Variants in PCCA observed in about 807,000 individuals in gnomAD.
PCCA encodes propionyl-CoA carboxylase alpha chain, mitochondrial.
PCCA carries 74 observed loss-of-function variants against 101.3 expected under a neutral mutation model. The observed-to-expected ratio is 0.73, with a 90% CI of 0.61 to 0.89. The LOEUF (loss-of-function observed/expected upper bound fraction) is 0.89, where lower values mean the gene tolerates loss of function less well. Among genes scored for constraint, PCCA ranks in the 40% least tolerant of loss-of-function variants. The pLI is 0.00. For missense variants in PCCA, 891 were observed against 907.0 expected (o/e 0.98, Z 0.23); for synonymous variants, 294 against 313.6 (o/e 0.94, Z 0.66).
chr13:100,428,930 AG>A (rs2079354004), intron 20 of PCCA, among the ~76,000 whole-genome samples: 1 of 152,148 alleles, frequency 6.6e-6, no homozygotes, highest in Non-Finnish European at 1.5e-5. Flanking sequence ...AAGAGCTTTC[AG>A]TAAGGAAGTG....
Position 100,257,630 on chromosome 13 carries a change from G to A in PCCA, c.673G>A (p.Gly225Ser). Residue 225 changes from glycine (G) to serine (S), a missense_variant, in exon 9 of 24, where the codon GGT (glycine) becomes AGT (serine). Physicochemically the swap from Gly to Ser is moderately conservative, Grantham distance 56. Transcript: ENST00000376285. The stretch of plus-strand genomic sequence containing the variant: ...CATGATCAAGGCCTCAGCAGGTGGT[G>A]GTGGGAAAGGCATGCGCATTGCTTG... ...PVMIKASAGG[G>S]GKGMRIAWDD... The A allele has an allele frequency of 1.9e-6, 3 of 1,613,906 alleles. No individual in the cohort carries two copies. The highest frequency in any genetic ancestry group is 2.5e-6 in the Non-Finnish European group (3 of 1,179,894).
chr13:100,190,398 C>T lies in PCCA; in HGVS notation c.469-18934C>T, dbSNP rs141518891. Among the ~76,000 whole-genome samples the T allele has an allele frequency of 2.0e-3, 309 of 152,270 alleles. 2 individuals are homozygous for T. The highest frequency in any genetic ancestry group is 7.1e-3 in the African/African-American group (294 of 41,560). On this transcript the variant is annotated intron_variant, in intron 6 of 23. Coordinates refer to ENST00000376285, the MANE Select transcript of PCCA (RefSeq NM_000282.4). ...AAACTGAGCCTTTAAAACCAAAAAG[C>T]GTGGCTGGGCGTGGTGGCTCACGCA...
intron 12 of PCCA, among the ~76,000 whole-genome samples, chr13:100,297,932 A>G (rs1189263081): frequency 6.6e-6 from 1 of 151,394 alleles, no homozygotes; most frequent in African/African-American, 2.4e-5. Flanking sequence ...GGATTCAGGT[A>G]TTATAACTTG....
At chr13:100,363,405 G>A (rs1193280890) in intron 18 of PCCA, among the ~76,000 whole-genome samples, 1 of 151,842 alleles carries the variant, frequency 6.6e-6, no homozygotes, top group Non-Finnish European at 1.5e-5. Context: ...TGAGCCATGG[G>A]AGGGCTCCTT....
chr13:100,167,914 C>A (rs2055217729), intron 6 of PCCA, among the ~76,000 whole-genome samples: 1 of 152,080 alleles, frequency 6.6e-6, no homozygotes, highest in Non-Finnish European at 1.5e-5. Flanking sequence ...TTATAGGCGC[C>A]CACCACCACA....
At chr13:100,138,865 G>T (rs1275376325) in intron 4 of PCCA, among the ~76,000 whole-genome samples, 2 of 142,816 alleles carry the variant, frequency 1.4e-5, no homozygotes, top group African/African-American at 5.2e-5. Context: ...AACCAGGACA[G>T]TAGAGGTTGC....
intron 1 of PCCA, among the ~76,000 whole-genome samples, chr13:100,097,364 G>A (rs1339720979): frequency 2.6e-5 from 4 of 152,066 alleles, no homozygotes; most frequent in South Asian, 2.1e-4. Context: ...TAAAAACCAC[G>A]GAGTTGTATA....
intron 21 of PCCA, among the ~76,000 whole-genome samples, chr13:100,506,324 CA>C (rs1407686834): frequency 2.7e-5 from 4 of 150,516 alleles, no homozygotes; most frequent in African/African-American, 4.9e-5. Context: ...GATTCTTAGG[CA>C]ACCCCCCTAC....
intron 4 of PCCA, among the ~76,000 whole-genome samples, chr13:100,117,550 A>G (rs2048913214): frequency 6.6e-6 from 1 of 151,376 alleles, no homozygotes; most frequent in Non-Finnish European, 1.5e-5. Context: ...GCACGTTCTC[A>G]CTCATAGGTG....
intron 6 of PCCA, among the ~76,000 whole-genome samples, chr13:100,162,978 G>C (rs1029022982): frequency 2.6e-5 from 4 of 152,172 alleles, no homozygotes; most frequent in Admixed American, 1.3e-4. Flanking sequence ...AAATGTTTGA[G>C]AACGTTTCCT....
chr13:100,172,718 T>TGCTTAAATTTCATCAACTAAA, intron 6 of PCCA, among the ~76,000 whole-genome samples: 1 of 152,226 alleles, frequency 6.6e-6, no homozygotes, highest in South Asian at 2.1e-4. Flanking sequence ...TTTAACAAAT[T>TGCTTAAATTTCATCAACTAAA]AATAACTTTT....
In PCCA at chr13:100,494,778, C is replaced by T. The variant is rs9554692; in HGVS notation, c.1900-20649C>T. Among the ~76,000 whole-genome samples the T allele has an allele frequency of 4.4e-3, 667 of 152,272 alleles. 34 individuals are homozygous for T. In the East Asian group the frequency reaches 0.099, roughly 23 times the overall value. The stretch of plus-strand genomic sequence containing the variant: ...AAGACTCTGCCCGGCCCGCTGGCTT[C>T]CTAACAGTCCTGTGGCGGTCTGTTC... On this transcript the variant is annotated intron_variant, in intron 21 of 23. Transcript: ENST00000376285.
chr13:100,479,460 C>T (rs2083702230), intron 21 of PCCA: 1 of 152,170 alleles, frequency 6.6e-6, no homozygotes, highest in Non-Finnish European at 1.5e-5. Flanking sequence ...AGAAGTCCTA[C>T]CAATAACATA....
At chr13:100,179,255 C>T (rs7996215) in intron 6 of PCCA, among the ~76,000 whole-genome samples, 123,259 of 151,968 alleles carry the variant, frequency 0.81, 50,282 homozygotes, top group East Asian at 0.99. Flanking sequence ...TACATACTGA[C>T]GAATAATATT....
chr13:100,424,650 A>T (rs1409646631), intron 19 of PCCA, among the ~76,000 whole-genome samples: 1 of 152,188 alleles, frequency 6.6e-6, no homozygotes, highest in Non-Finnish European at 1.5e-5. Flanking sequence ...TGTTTTCAGC[A>T]ATCTTTGTCC....
rs837296 is a variant in PCCA, at chr13:100,510,472, G to A, written c.1900-4955G>A. Among the ~76,000 whole-genome samples the A allele has an allele frequency of 7.0e-3, 1,063 of 152,202 alleles. 10 individuals are homozygous for A. The highest frequency in any genetic ancestry group is 0.024 in the African/African-American group (1,013 of 41,522). Reference sequence around the variant, plus strand: ...TTCATATGCTATCTGATGTGAAGTGGGCCTGCTTTGTACCGCACTACACCA... The same window carrying A: ...TTCATATGCTATCTGATGTGAAGTGAGCCTGCTTTGTACCGCACTACACCA... On this transcript the variant is annotated intron_variant, in intron 21 of 23. Coordinates refer to ENST00000376285, the MANE Select transcript of PCCA (RefSeq NM_000282.4).
chr13:100,241,431 G>A (rs943449790), intron 8 of PCCA, among the ~76,000 whole-genome samples: 2 of 151,828 alleles, frequency 1.3e-5, no homozygotes, highest in African/African-American at 4.8e-5. Context: ...CCCTTTTTAC[G>A]GTTGGATAAT....
chr13:100,347,916 G>A (rs1248646637), intron 18 of PCCA, among the ~76,000 whole-genome samples: 1 of 151,158 alleles, frequency 6.6e-6, no homozygotes, highest in Admixed American at 6.6e-5. Context: ...GTGTAGAGCT[G>A]TAACATTTAG....
At chr13:100,338,421 G>T (rs1252639354) in intron 17 of PCCA, among the ~76,000 whole-genome samples, 1 of 152,048 alleles carries the variant, frequency 6.6e-6, no homozygotes, top group Admixed American at 6.6e-5. Context: ...GTATACTCTT[G>T]AGAAAATGAG....
Sources: allele counts gnomAD v4.1 joint callset (sites outside exome capture counted in the v4.1 genomes callset), GRCh38; gene constraint gnomAD v4.1.1; transcripts MANE v1.5; gene names NCBI Gene and HGNC (gene_info 2026-07-23, HGNC 2026-07-21).